Variants in TMCC1 observed in about 807,000 individuals in gnomAD.
TMCC1 encodes transmembrane and coiled-coil domains protein 1.
In TMCC1, 15 loss-of-function variants were observed where a neutral mutation model predicts 52.4. That is an observed-to-expected ratio of 0.29 (90% CI 0.19 to 0.44). The LOEUF (loss-of-function observed/expected upper bound fraction) is 0.44, where lower values mean the gene tolerates loss of function less well. Ranked by LOEUF, TMCC1 falls within the 20% of genes least tolerant of loss-of-function variation. TMCC1 has a pLI of 1.00. For synonymous variants in TMCC1, 279 were observed against 301.9 expected, an observed-to-expected ratio of 0.92 and a Z score of 0.79; for missense variants, 503 against 806.0, an observed-to-expected ratio of 0.62 and a Z score of 4.55.
chr3:129,784,704 C>T (rs565237845), intron 4 of TMCC1, among the ~76,000 whole-genome samples: 2 of 151,942 alleles, frequency 1.3e-5, no homozygotes, highest in East Asian at 1.9e-4. Context: ...CACGGTGGTT[C>T]GCACTTGTAA....
intron 1 of TMCC1, among the ~76,000 whole-genome samples, chr3:129,880,897 CTT>C (rs1460557250): frequency 5.0e-5 from 7 of 138,700 alleles, no homozygotes; most frequent in Non-Finnish European, 7.7e-5. Context: ...GAGTTTTGCT[CTT>C]GTTGCCCAGG....
intron 4 of TMCC1, among the ~76,000 whole-genome samples, chr3:129,695,096 CAAAAAAAAAAAAAA>C (rs11291309): frequency 2.8e-5 from 1 of 35,232 alleles, no homozygotes; most frequent in Non-Finnish European, 4.8e-5. Flanking sequence ...GACTCTGTCT[CAAAAAAAAAAAAAA>C]AAAAAAAAAA....
At chr3:129,763,528 G>A in intron 4 of TMCC1, among the ~76,000 whole-genome samples, 1 of 109,648 alleles carries the variant, frequency 9.1e-6, no homozygotes, top group Middle Eastern at 8.3e-3. Flanking sequence ...GGATGACAGA[G>A]TGAGACCCTG....
intron 4 of TMCC1, among the ~76,000 whole-genome samples, chr3:129,800,131 G>T (rs2057093419): frequency 6.6e-6 from 1 of 152,048 alleles, no homozygotes; most frequent in Non-Finnish European, 1.5e-5. Flanking sequence ...GGTTTCTTTT[G>T]CTCATCATAT....
At chr3:129,892,110 T>C (rs556844128) in intron 1 of TMCC1, among the ~76,000 whole-genome samples, 1 of 152,226 alleles carries the variant, frequency 6.6e-6, no homozygotes, top group Non-Finnish European at 1.5e-5. Context: ...ACCTACACCA[T>C]ACCAAATCTT....
At chr3:129,709,888 T>TA (rs989241178) in intron 4 of TMCC1, among the ~76,000 whole-genome samples, 3 of 151,884 alleles carry the variant, frequency 2.0e-5, no homozygotes, top group African/African-American at 4.8e-5. Flanking sequence ...CAGTGGATAT[T>TA]AAAAAACTGT....
chr3:129,854,011 T>C (rs550358351), intron 2 of TMCC1, among the ~76,000 whole-genome samples: 1 of 152,170 alleles, frequency 6.6e-6, no homozygotes, highest in African/African-American at 2.4e-5. Flanking sequence ...CCATTACCTA[T>C]CACATGGACA....
chr3:129,834,849 C>A (rs145602615), intron 2 of TMCC1, among the ~76,000 whole-genome samples: 158 of 152,280 alleles, frequency 1.0e-3, no homozygotes, highest in African/African-American at 3.4e-3. Context: ...AAACGTATTA[C>A]GAGTACAATC....
At chr3:129,778,766 A>G (rs1414943686) in intron 4 of TMCC1, among the ~76,000 whole-genome samples, 1 of 151,922 alleles carries the variant, frequency 6.6e-6, no homozygotes, top group Non-Finnish European at 1.5e-5. Flanking sequence ...CCTTTTGCTC[A>G]GCACTTCTCC....
chr3:129,812,786 C>T (rs969115218), intron 4 of TMCC1, among the ~76,000 whole-genome samples: 2 of 151,996 alleles, frequency 1.3e-5, no homozygotes, highest in Non-Finnish European at 2.9e-5. Flanking sequence ...AACAAAGATG[C>T]CAAAAGCGAT....
intron 4 of TMCC1, among the ~76,000 whole-genome samples, chr3:129,749,111 TCAACCACCCCCCAC>T (rs2052267171): frequency 6.8e-6 from 1 of 146,236 alleles, no homozygotes; most frequent in Non-Finnish European, 1.5e-5. Context: ...TACCGCCCCC[TCAACCACCCCCCAC>T]CAAAAAAAAT....
At chr3:129,846,323 C>T (rs1367897589) in intron 2 of TMCC1, among the ~76,000 whole-genome samples, 2 of 152,166 alleles carry the variant, frequency 1.3e-5, no homozygotes, top group Admixed American at 1.3e-4. Context: ...GAGATAGAGG[C>T]TGCAGGGAGC....
chr3:129,786,008 C>G (rs1236976542), intron 4 of TMCC1, among the ~76,000 whole-genome samples: 4 of 146,036 alleles, frequency 2.7e-5, no homozygotes, highest in Non-Finnish European at 5.9e-5. Context: ...GATGTTGGCT[C>G]ACTGCAATCT....
intron 1 of TMCC1, among the ~76,000 whole-genome samples, chr3:129,883,130 AACACACACAC>A (rs59492665): frequency 5.5e-5 from 8 of 146,678 alleles, no homozygotes; most frequent in South Asian, 2.2e-4. Context: ...CTCTACTAAA[AACACACACAC>A]ACACACACAC....
At chr3:129,875,200 A>G (rs2061134959) in intron 2 of TMCC1, among the ~76,000 whole-genome samples, 1 of 151,866 alleles carries the variant, frequency 6.6e-6, no homozygotes, top group Non-Finnish European at 1.5e-5. Context: ...TTAAAAAAAA[A>G]AAAAATGGCC....
intron 4 of TMCC1, among the ~76,000 whole-genome samples, chr3:129,750,644 G>A (rs1187682525): frequency 1.4e-5 from 2 of 138,702 alleles, no homozygotes; most frequent in East Asian, 2.1e-4. Flanking sequence ...GTGCAATCTC[G>A]GCTCACTGCA....
At chr3:129,820,084 C>T (rs1344651022) in intron 4 of TMCC1, among the ~76,000 whole-genome samples, 1 of 147,262 alleles carries the variant, frequency 6.8e-6, no homozygotes, top group Middle Eastern at 3.2e-3. Flanking sequence ...CTTGAACTAT[C>T]TATTTCAGGC....
chr3:129,759,709 ACTTT>A (rs778622507), intron 4 of TMCC1, among the ~76,000 whole-genome samples: 8,809 of 98,162 alleles, frequency 0.09, 583 homozygotes, highest in Middle Eastern at 0.16. Flanking sequence ...AGCCAGCCAA[ACTTT>A]TTTTTTTTTT....
At chr3:129,738,772 A>G (rs1219156915) in intron 4 of TMCC1, among the ~76,000 whole-genome samples, 1 of 152,206 alleles carries the variant, frequency 6.6e-6, no homozygotes, top group African/African-American at 2.4e-5. Flanking sequence ...ACTGGAGGAG[A>G]AATTTACACA....
Sources: allele counts gnomAD v4.1 joint callset (sites outside exome capture counted in the v4.1 genomes callset), GRCh38; gene constraint gnomAD v4.1.1; transcripts MANE v1.5; gene names NCBI Gene and HGNC (gene_info 2026-07-23, HGNC 2026-07-21).